The following RBMS3 variants were observed in gnomAD, a reference collection of about 807,000 sequenced individuals.
RBMS3 encodes the protein RNA binding motif single stranded interacting protein 3.
In RBMS3, 27 loss-of-function variants were observed where a neutral mutation model predicts 66.8. The ratio of observed to expected loss-of-function variants is 0.40; its 90% CI spans 0.30 to 0.56. The LOEUF is 0.56. Ranked by LOEUF, RBMS3 falls within the 20% of genes least tolerant of loss-of-function variation. The pLI, the probability that RBMS3 is intolerant of heterozygous loss-of-function variation, is 0.40. For missense variants in RBMS3, 513 were observed against 549.5 expected, an observed-to-expected ratio of 0.93 and a Z score of 0.66; for synonymous variants, 188 against 183.0, an observed-to-expected ratio of 1.03 and a Z score of -0.22.
rs954579305 is a variant in RBMS3 at position 29,739,726 on chromosome 3, G to A, written c.406G>A (p.Glu136Lys). 6.2e-7 allele frequency: 1 copy of A among 1,600,408 alleles called. No individual in the cohort carries two copies. Among genetic ancestry groups the A allele is most frequent in the Non-Finnish European group, 8.5e-7 (1 of 1,175,200 alleles). ...GVQAQMAKQQ[E>K]QDPTNLYISN... ...GTTACTTTCCTTCCCTTAGCAACAAGAGCAAGACCCAACAAACCTATACAT... is the reference window on the plus strand; with the variant it reads ...GTTACTTTCCTTCCCTTAGCAACAAAAGCAAGACCCAACAAACCTATACAT... The change falls in exon 5 of 15, where the codon GAG becomes AAG. Residue 136 changes from glutamate (E) to lysine (K), a missense_variant. By Grantham distance (56) the Glu-to-Lys change is moderately conservative. Coordinates refer to ENST00000383767, the MANE Select transcript of RBMS3 (RefSeq NM_001003793.3).
chr3:29,424,417 C>T (rs1275612207), intron 1 of RBMS3, among the ~76,000 whole-genome samples: 2 of 152,108 alleles, frequency 1.3e-5, no homozygotes, highest in East Asian at 1.9e-4. Flanking sequence ...GTTTCAGATG[C>T]AGGGAAGATA....
intron 1 of RBMS3, among the ~76,000 whole-genome samples, chr3:29,399,805 G>A (rs1473701048): frequency 2.0e-5 from 3 of 152,136 alleles, no homozygotes; most frequent in South Asian, 2.1e-4. Flanking sequence ...CTAAAGCACT[G>A]ATAGGCAGGT....
At position 30,004,935 on chromosome 3, in the gene RBMS3, AAAAAAAAAAC is replaced by A. The variant is rs1699762613; in HGVS notation, c.*1083_*1092del. 7.6e-6 allele frequency: 1 copy of A among 131,408 alleles called. No homozygotes were observed. Among genetic ancestry groups the A allele is most frequent in the African/African-American group, 3.0e-5 (1 of 33,240 alleles). The allele number at this position is 131,408 out of a possible 1,614,324, so 8.1% of individuals were successfully genotyped here. A position where few individuals can be genotyped will look rare whatever the true frequency, so the allele number is the denominator to read the frequency against. ...TAGGAGCTTATGGTCAAAAAGTGCA[AAAAAAAAAAC>A]AAAAAAAAAGCAATAGATAGAGAAA... On this transcript the variant is annotated 3_prime_UTR_variant, in exon 15 of 15. Coordinates refer to ENST00000383767, the MANE Select transcript of RBMS3 (RefSeq NM_001003793.3).
rs75887615 is a variant in RBMS3 at position 29,550,604 on chromosome 3, G to C, written c.308-36510G>C. 2.8e-3 allele frequency among the ~76,000 whole-genome samples: 419 copies of C among 152,070 alleles called. 5 individuals are homozygous for C. The highest frequency in any genetic ancestry group is 9.8e-3 in the African/African-American group (406 of 41,494). On this transcript the variant is annotated intron_variant, in intron 3 of 14. Coordinates refer to ENST00000383767, the MANE Select transcript of RBMS3 (RefSeq NM_001003793.3). ...AGTTTATAATACAGTGTAATATATA[G>C]TATACAGTATTATAGTGTAATAGTG...
intron 6 of RBMS3, among the ~76,000 whole-genome samples, chr3:29,814,759 A>G (rs898714738): frequency 4.4e-4 from 67 of 152,302 alleles, no homozygotes; most frequent in African/African-American, 1.6e-3. Context: ...GTGCACATGT[A>G]CCCTAAAACT....
intron 1 of RBMS3, among the ~76,000 whole-genome samples, chr3:29,404,224 C>G (rs1559552592): frequency 6.6e-6 from 1 of 152,108 alleles, no homozygotes. Flanking sequence ...TTACTGCAGA[C>G]TGGTCACAGT....
At chr3:29,928,211 T>TATATATACACACACACACAC (rs1291440563) in intron 10 of RBMS3, among the ~76,000 whole-genome samples, 1 of 93,508 alleles carries the variant, frequency 1.1e-5, no homozygotes, top group African/African-American at 4.2e-5. Context: ...TATATATATA[T>TATATATACACACACACACAC]ACACACACAC....
chr3:29,477,546 A>G (rs2042989148), intron 2 of RBMS3, among the ~76,000 whole-genome samples: 1 of 152,172 alleles, frequency 6.6e-6, no homozygotes, highest in Non-Finnish European at 1.5e-5. Context: ...ACAATATAGT[A>G]CAATACAATA....
At chr3:29,975,366 C>T (rs865941866) in intron 12 of RBMS3, among the ~76,000 whole-genome samples, 18 of 151,654 alleles carry the variant, frequency 1.2e-4, no homozygotes, top group South Asian at 1.0e-3. Context: ...ACAATTTAAA[C>T]TCCCACTAGC....
At chr3:29,315,222 G>T (rs1422539128) in intron 1 of RBMS3, among the ~76,000 whole-genome samples, 1 of 151,530 alleles carries the variant, frequency 6.6e-6, no homozygotes. Context: ...TACATTCAGA[G>T]ATGTTTGTCG....
intron 12 of RBMS3, among the ~76,000 whole-genome samples, chr3:29,949,159 A>G (rs964769435): frequency 2.0e-5 from 3 of 151,442 alleles, no homozygotes; most frequent in African/African-American, 7.3e-5. Context: ...TTGGACTAGT[A>G]TATAAATATC....
intron 3 of RBMS3, among the ~76,000 whole-genome samples, chr3:29,532,841 T>C (rs913849534): frequency 1.1e-4 from 17 of 152,148 alleles, no homozygotes. Context: ...CACATTTATG[T>C]GTGTGGCCTT....
rs75017605 is a variant in RBMS3, at chr3:29,771,483, G to C, written c.637+8494G>C. Among the ~76,000 whole-genome samples the C allele has an allele frequency of 4.8e-3, 725 of 152,084 alleles. 3 individuals are homozygous for C. The highest frequency in any genetic ancestry group is 7.4e-3 in the Non-Finnish European group (504 of 67,946). On this transcript the variant is annotated intron_variant, in intron 6 of 14. Coordinates refer to ENST00000383767, the MANE Select transcript of RBMS3 (RefSeq NM_001003793.3). ...GTAGACAGAATAATGGTCCTCTAAAGATCTGTAAATCCTAATCCCCAGAAC... is the reference window on the plus strand; with the variant it reads ...GTAGACAGAATAATGGTCCTCTAAACATCTGTAAATCCTAATCCCCAGAAC...
rs994556321 is a variant in RBMS3, at chr3:30,004,767, T to C, written c.*905T>C. The stretch of plus-strand genomic sequence containing the variant: ...GGGGGCAGAATGCAGATTTTTTTAA[T>C]TTACAAAGCGTGATCGCTAGCAAAA... On this transcript the variant is annotated 3_prime_UTR_variant, in exon 15 of 15. Transcript: ENST00000383767. 3.3e-5 allele frequency: 5 copies of C among 152,140 alleles called. No individual in the cohort carries two copies. The Admixed American group carries it at 3.3e-4, about 10-fold the overall frequency. The allele number at this position is 152,140 out of a possible 1,614,324, so 9.4% of individuals were successfully genotyped here.
rs776357215 is a variant in RBMS3, at chr3:29,384,435, T to TAATAATAAGAAGAAGAAGAAGAAG, written c.76-50306_76-50305insTAATAAGAAGAAGAAGAAGAAGAA. On this transcript the variant is annotated intron_variant, in intron 1 of 14. Coordinates refer to ENST00000383767, the MANE Select transcript of RBMS3 (RefSeq NM_001003793.3). The stretch of plus-strand genomic sequence containing the variant: ...TATACACCAATAATAATAATAATAA[T>TAATAATAAGAAGAAGAAGAAGAAG]AAGAAGAAGAAGAAGAAGAAGAAGA... 3.5e-3 allele frequency among the ~76,000 whole-genome samples: 492 copies of TAATAATAAGAAGAAGAAGAAGAAG among 141,080 alleles called. 3 individuals are homozygous for TAATAATAAGAAGAAGAAGAAGAAG. The highest frequency in any genetic ancestry group is 5.6e-3 in the East Asian group (27 of 4,832). 92.6% of individuals were successfully genotyped at this position (141,080 alleles called of 152,430 possible). A position where few individuals can be genotyped will look rare whatever the true frequency, so the allele number is the denominator to read the frequency against.
At chr3:29,713,284 C>T (rs1046436736) in intron 4 of RBMS3, among the ~76,000 whole-genome samples, 3 of 151,994 alleles carry the variant, frequency 2.0e-5, no homozygotes, top group Non-Finnish European at 4.4e-5. Context: ...CCTCTGTTCC[C>T]ATATAAGGAT....
chr3:29,805,468 G>A (rs1381612865), intron 6 of RBMS3, among the ~76,000 whole-genome samples: 1 of 152,010 alleles, frequency 6.6e-6, no homozygotes, highest in Non-Finnish European at 1.5e-5. Flanking sequence ...TATTTCAGAA[G>A]AAGTCATTGT....
At position 29,630,020 on chromosome 3, in the gene RBMS3, A is replaced by G. The variant is rs371869072; in HGVS notation, c.399+42815A>G. Among the ~76,000 whole-genome samples the G allele has an allele frequency of 4.6e-5, 7 of 152,148 alleles. No individual in the cohort carries two copies. In the South Asian group the frequency reaches 1.0e-3, roughly 23 times the overall value. On this transcript the variant is annotated intron_variant, in intron 4 of 14. Transcript: ENST00000383767. ...ATAGGATGTCAGAAACTAAAAACCA[A>G]TATATGTTTGTTTGTTTTTTTCCTA...
chr3:29,830,867 G>A (rs538170108), intron 6 of RBMS3, among the ~76,000 whole-genome samples: 95 of 152,188 alleles, frequency 6.2e-4, no homozygotes, highest in Non-Finnish European at 1.0e-3. Context: ...GAAGCACAGG[G>A]TGCTACACTG....
Sources: gnomAD v4.1 joint callset for allele counts (sites outside exome capture counted in the v4.1 genomes callset) on GRCh38, gnomAD v4.1.1 for gene constraint, MANE v1.5 for transcripts, NCBI Gene and HGNC (gene_info 2026-07-23, HGNC 2026-07-21) for gene names.